CACNA2D3: variants seen among roughly 807,000 people sequenced by gnomAD.
CACNA2D3 encodes voltage-dependent calcium channel subunit alpha-2/delta-3.
Under a neutral mutation model 160.6 loss-of-function variants are expected in CACNA2D3, and 60 were observed. That is an observed-to-expected ratio of 0.37 (90% confidence interval 0.30 to 0.46). The LOEUF is 0.46. CACNA2D3 is among the 20% of genes least tolerant of loss of function. The probability of loss-of-function intolerance (pLI) is 1.00; values close to 1 mark genes in which losing one functional copy is unlikely to be tolerated. For missense variants in CACNA2D3, 1,205 were observed against 1,365.0 expected (o/e 0.88, Z 1.85); for synonymous variants, 558 against 492.9 (o/e 1.13, Z -1.75).
At chr3:54,933,264 T>C (rs1166327584) in intron 27 of CACNA2D3, among the ~76,000 whole-genome samples, 1 of 152,234 alleles carries the variant, frequency 6.6e-6, no homozygotes, top group Non-Finnish European at 1.5e-5. Flanking sequence ...ATAATTTGTA[T>C]TAAAATTATG....
chr3:54,519,261 C>T (rs189225460), intron 5 of CACNA2D3, among the ~76,000 whole-genome samples: 25 of 152,304 alleles, frequency 1.6e-4, no homozygotes, highest in African/African-American at 6.0e-4. Flanking sequence ...GGTCAGTGTC[C>T]TGGTGTTAAC....
Position 55,074,455 on chromosome 3 carries a change from A to C in CACNA2D3, c.*249A>C. On this transcript the variant is annotated 3_prime_UTR_variant, in exon 38 of 38. Coordinates refer to ENST00000474759, the MANE Select transcript of CACNA2D3 (RefSeq NM_018398.3). ...TGCCACATGATAATCACCCTTCATC[A>C]GAAATGGGACCGCAAGTGGTAGGCA... 1 of 503,338 alleles carries C rather than the reference A, an allele frequency of 2.0e-6. No homozygotes were observed. The highest frequency in any genetic ancestry group is 3.6e-5 in the East Asian group (1 of 28,138). 31.2% of individuals were successfully genotyped at this position (503,338 alleles called of 1,614,324 possible).
chr3:54,980,272 A>T (rs1702478488), intron 29 of CACNA2D3, among the ~76,000 whole-genome samples: 1 of 152,228 alleles, frequency 6.6e-6, no homozygotes. Context: ...GTGAAAGAGC[A>T]GATCAGTGTT....
At chr3:55,054,587 T>C (rs1704316354) in intron 35 of CACNA2D3, among the ~76,000 whole-genome samples, 1 of 149,292 alleles carries the variant, frequency 6.7e-6, no homozygotes. Flanking sequence ...TATATAAATA[T>C]ATTATTTAAT....
chr3:54,656,813 C>G (rs1298169443), intron 11 of CACNA2D3, among the ~76,000 whole-genome samples: 1 of 152,232 alleles, frequency 6.6e-6, no homozygotes, highest in Non-Finnish European at 1.5e-5. Context: ...CCCCCTTCCC[C>G]AGTTAGAATT....
intron 27 of CACNA2D3, among the ~76,000 whole-genome samples, chr3:54,938,158 C>T (rs892341101): frequency 6.6e-6 from 1 of 152,196 alleles, no homozygotes; most frequent in African/African-American, 2.4e-5. Context: ...GTTGCATTCT[C>T]ACCACATCAG....
At chr3:54,444,164 C>G (rs748439685) in intron 4 of CACNA2D3, among the ~76,000 whole-genome samples, 3 of 152,148 alleles carry the variant, frequency 2.0e-5, no homozygotes, top group Non-Finnish European at 4.4e-5. Flanking sequence ...AAATATTAAC[C>G]AAGGTGCCCA....
chr3:54,588,159 A>G (rs912985837), intron 9 of CACNA2D3, among the ~76,000 whole-genome samples: 2 of 152,254 alleles, frequency 1.3e-5, no homozygotes, highest in Non-Finnish European at 2.9e-5. Flanking sequence ...TGTAACATCC[A>G]TGTCAAATCA....
chr3:54,924,501 A>G, intron 27 of CACNA2D3: 1 of 823,564 alleles, frequency 1.2e-6, no homozygotes, highest in Non-Finnish European at 1.9e-6. Flanking sequence ...ACCGATGTGT[A>G]AAAGCCCAAA....
chr3:54,248,589 A>G lies in CACNA2D3; in HGVS notation c.205-71853A>G, dbSNP rs547868922. On this transcript the variant is annotated intron_variant, in intron 2 of 37. Coordinates refer to ENST00000474759, the MANE Select transcript of CACNA2D3 (RefSeq NM_018398.3). ...GAAGAGGAAGAAATACCAGGAATCC[A>G]CAGGCACAGAGAAAAGACCATGTGA... Among the ~76,000 whole-genome samples the G allele has an allele frequency of 2.6e-5, 4 of 152,208 alleles. No homozygotes were observed. The South Asian group carries it at 8.3e-4, about 32-fold the overall frequency.
intron 5 of CACNA2D3, among the ~76,000 whole-genome samples, chr3:54,562,001 C>T (rs764237203): frequency 2.0e-5 from 3 of 152,256 alleles, no homozygotes; most frequent in Admixed American, 6.5e-5. Flanking sequence ...GAGACTTATT[C>T]GCTATCATAA....
intron 5 of CACNA2D3, among the ~76,000 whole-genome samples, chr3:54,513,001 G>A (rs543815310): frequency 3.9e-5 from 6 of 152,176 alleles, no homozygotes; most frequent in Non-Finnish European, 7.4e-5. Flanking sequence ...ATCAGATCTC[G>A]TGAGAGTTAT....
intron 27 of CACNA2D3, among the ~76,000 whole-genome samples, chr3:54,947,654 T>A (rs1482219225): frequency 6.6e-6 from 1 of 152,076 alleles, no homozygotes; most frequent in South Asian, 2.1e-4. Flanking sequence ...AAAGGAAATT[T>A]TTGCTCTGGC....
At chr3:54,917,057 G>A (rs1431836014) in intron 27 of CACNA2D3, among the ~76,000 whole-genome samples, 2 of 152,154 alleles carry the variant, frequency 1.3e-5, no homozygotes, top group African/African-American at 4.8e-5. Flanking sequence ...CTCTCTTCTT[G>A]TGTAAAATGA....
intron 2 of CACNA2D3, among the ~76,000 whole-genome samples, chr3:54,156,346 C>G (rs1296694906): frequency 6.6e-6 from 1 of 152,152 alleles, no homozygotes; most frequent in Non-Finnish European, 1.5e-5. Context: ...ATTATCCCAC[C>G]CACGGAGGAG....
At chr3:54,546,947 T>C (rs1160820559) in intron 5 of CACNA2D3, among the ~76,000 whole-genome samples, 2 of 152,208 alleles carry the variant, frequency 1.3e-5, no homozygotes, top group Admixed American at 1.3e-4. Context: ...TTGTACTCTT[T>C]TATTATTTTT....
chr3:54,421,649 T>A (rs1012124620), intron 4 of CACNA2D3, among the ~76,000 whole-genome samples: 6 of 152,110 alleles, frequency 3.9e-5, no homozygotes, highest in African/African-American at 1.4e-4. Flanking sequence ...TCATATTTGC[T>A]TTTTCTGGGA....
rs114549974 is a variant in CACNA2D3, at chr3:54,209,232, G to A, written c.204+85638G>A. Reference sequence around the variant, plus strand: ...ATAATTTTTGGAAGATTTCAAGATAGGCATCGAAATAATTGGAGACCCTGG... The same window carrying A: ...ATAATTTTTGGAAGATTTCAAGATAAGCATCGAAATAATTGGAGACCCTGG... On this transcript the variant is annotated intron_variant, in intron 2 of 37. Transcript: ENST00000474759. 2.4e-3 allele frequency among the ~76,000 whole-genome samples: 371 copies of A among 152,290 alleles called. 2 individuals carry two copies. The highest frequency in any genetic ancestry group is 8.0e-3 in the African/African-American group (332 of 41,572).
Position 54,600,454 on chromosome 3 carries a change from T to A in CACNA2D3, c.963+18577T>A, listed in dbSNP as rs897331605. 2.6e-5 allele frequency among the ~76,000 whole-genome samples: 4 copies of A among 152,328 alleles called. No homozygotes were observed. In the East Asian group the frequency reaches 7.7e-4, roughly 29 times the overall value. On this transcript the variant is annotated intron_variant, in intron 9 of 37. Transcript: ENST00000474759. ...GTGGGTATTTGCTACAAACTCTTGC[T>A]GGGTCAAGCTGGATTGACTTCATTG...
Sources: allele counts gnomAD v4.1 joint callset (sites outside exome capture counted in the v4.1 genomes callset), GRCh38; gene constraint gnomAD v4.1.1; transcripts MANE v1.5; gene names NCBI Gene and HGNC (gene_info 2026-07-23, HGNC 2026-07-21).